Variants in CWC27 observed in about 807,000 individuals in gnomAD.
CWC27 encodes the protein CWC27 spliceosome associated cyclophilin.
In CWC27, 47 loss-of-function variants were observed where a neutral mutation model predicts 63.6. The ratio of observed to expected loss-of-function variants is 0.74; its 90% confidence interval spans 0.58 to 0.94. The LOEUF (loss-of-function observed/expected upper bound fraction) is 0.94. Ranked by LOEUF, CWC27 falls within the 40% of genes least tolerant of loss-of-function variation. CWC27 has a pLI of 0.00. For missense variants in CWC27, 495 were observed against 554.3 expected, an observed-to-expected ratio of 0.89 and a Z score of 1.07; for synonymous variants, 175 against 179.8, an observed-to-expected ratio of 0.97 and a Z score of 0.22.
At chr5:65,007,760 T>G (rs1271372974) in intron 13 of CWC27, among the ~76,000 whole-genome samples, 1 of 152,058 alleles carries the variant, frequency 6.6e-6, no homozygotes, top group Admixed American at 6.6e-5. Flanking sequence ...CCCATGTAGC[T>G]GGGACTACAG....
intron 11 of CWC27, 39 bp from the exon 12 acceptor site, chr5:64,971,664 T>G: frequency 6.7e-7 from 1 of 1,483,930 alleles, no homozygotes; most frequent in Non-Finnish European, 9.1e-7. Context: ...CACAGAGCTA[T>G]TTTACTGCTT....
At chr5:64,998,898 T>A (rs901453638) in intron 13 of CWC27, among the ~76,000 whole-genome samples, 1 of 151,998 alleles carries the variant, frequency 6.6e-6, no homozygotes, top group African/African-American at 2.4e-5. Context: ...CATTTGTATC[T>A]GCATTTTTCT....
chr5:65,016,922 T>C (rs1407718614), intron 13 of CWC27, among the ~76,000 whole-genome samples: 1 of 152,172 alleles, frequency 6.6e-6, no homozygotes, highest in Non-Finnish European at 1.5e-5. Context: ...ACAACAGGCA[T>C]ATAAGAAGTA....
At chr5:64,866,434 G>T (rs1746532202) in intron 10 of CWC27, among the ~76,000 whole-genome samples, 2 of 152,074 alleles carry the variant, frequency 1.3e-5, no homozygotes, top group East Asian at 1.9e-4. Flanking sequence ...TTTACCTAAG[G>T]CTTAAGATGT....
intron 11 of CWC27, among the ~76,000 whole-genome samples, chr5:64,935,905 A>G (rs1748340793): frequency 6.6e-6 from 1 of 151,930 alleles, no homozygotes; most frequent in Non-Finnish European, 1.5e-5. Flanking sequence ...CTGTTTGTCT[A>G]TTATTGATGT....
At chr5:64,981,725 GA>G (rs1167348767) in intron 13 of CWC27, among the ~76,000 whole-genome samples, 1 of 152,204 alleles carries the variant, frequency 6.6e-6, no homozygotes, top group Non-Finnish European at 1.5e-5. Context: ...TTTAGTGAAA[GA>G]GATTAATGTT....
intron 10 of CWC27, among the ~76,000 whole-genome samples, chr5:64,839,845 G>A (rs1461114507): frequency 6.6e-6 from 1 of 152,108 alleles, no homozygotes; most frequent in Non-Finnish European, 1.5e-5. Flanking sequence ...GGAAAAGTTG[G>A]TTGTGAAAAA....
At chr5:64,909,716 C>G (rs1167075372) in intron 11 of CWC27, among the ~76,000 whole-genome samples, 1 of 152,110 alleles carries the variant, frequency 6.6e-6, no homozygotes, top group Non-Finnish European at 1.5e-5. Context: ...CTTTCTTCCA[C>G]TTGATCGAAT....
intron 13 of CWC27, among the ~76,000 whole-genome samples, chr5:65,004,943 T>C (rs1231184719): frequency 7.6e-6 from 1 of 130,992 alleles, no homozygotes; most frequent in East Asian, 2.3e-4. Flanking sequence ...CACTGTTGGT[T>C]GGGTAGGGTG....
At chr5:64,770,871 G>A (rs932342619) in intron 1 of CWC27, among the ~76,000 whole-genome samples, 5 of 152,238 alleles carry the variant, frequency 3.3e-5, no homozygotes, top group Middle Eastern at 6.8e-3. Flanking sequence ...TCATATAGAT[G>A]AAAAGCTTTA....
intron 13 of CWC27, among the ~76,000 whole-genome samples, chr5:64,989,396 G>A (rs545783508): frequency 1.2e-3 from 190 of 152,176 alleles, no homozygotes; most frequent in African/African-American, 4.4e-3. Flanking sequence ...ACATTTAGAT[G>A]GTACTGAATA....
chr5:64,978,049 G>A (rs760434846), intron 13 of CWC27, among the ~76,000 whole-genome samples: 4 of 152,028 alleles, frequency 2.6e-5, no homozygotes, highest in Non-Finnish European at 4.4e-5. Context: ...TCATAGCCTC[G>A]GTTCTCTCTG....
At chr5:65,005,356 GGCATGCTCAT>G (rs1250573462) in intron 13 of CWC27, among the ~76,000 whole-genome samples, 7 of 152,110 alleles carry the variant, frequency 4.6e-5, no homozygotes, top group African/African-American at 1.7e-4. Flanking sequence ...GCCCCAGGAT[GGCATGCTCAT>G]GCACATACAC....
chr5:64,970,405 G>T (rs1222463128), intron 11 of CWC27, among the ~76,000 whole-genome samples: 1 of 151,752 alleles, frequency 6.6e-6, no homozygotes, highest in East Asian at 1.9e-4. Flanking sequence ...GTAGAGATGG[G>T]GTTTCACCGT....
At chr5:64,859,407 A>G (rs570131835) in intron 10 of CWC27, among the ~76,000 whole-genome samples, 1 of 152,316 alleles carries the variant, frequency 6.6e-6, no homozygotes, top group African/African-American at 2.4e-5. Flanking sequence ...CACTCGAGAT[A>G]CAGCTGATTA....
chr5:64,885,221 A>G (rs1019828315), intron 10 of CWC27, among the ~76,000 whole-genome samples: 3 of 152,186 alleles, frequency 2.0e-5, no homozygotes, highest in Non-Finnish European at 4.4e-5. Context: ...GATAGGGGGT[A>G]TATTTTATAG....
chr5:64,815,736 G>A (rs868319332), intron 10 of CWC27, among the ~76,000 whole-genome samples: 11 of 152,068 alleles, frequency 7.2e-5, no homozygotes, highest in Non-Finnish European at 1.5e-4. Context: ...ACTTCTAGAA[G>A]TACAAAATTC....
intron 13 of CWC27, among the ~76,000 whole-genome samples, chr5:64,987,039 C>CTGTTT (rs573474492): frequency 4.6e-5 from 7 of 151,780 alleles, no homozygotes; most frequent in East Asian, 1.9e-4. Flanking sequence ...TCAGTTTCCT[C>CTGTTT]TGTTTTGTTT....
chr5:64,879,470 C>G (rs977065075), intron 10 of CWC27, among the ~76,000 whole-genome samples: 8 of 151,722 alleles, frequency 5.3e-5, no homozygotes, highest in Non-Finnish European at 1.2e-4. Flanking sequence ...TTTTGAGGAG[C>G]AGAAGGTAGA....
Sources: gnomAD v4.1 joint callset for allele counts (sites outside exome capture counted in the v4.1 genomes callset) on GRCh38, gnomAD v4.1.1 for gene constraint, MANE v1.5 for transcripts, NCBI Gene and HGNC (gene_info 2026-07-23, HGNC 2026-07-21) for gene names.